The following CFAP221 variants were observed in gnomAD, a reference collection of about 807,000 sequenced individuals.
The protein encoded by CFAP221 is cilia and flagella associated protein 221, also known as cilia- and flagella-associated protein 221.
Under a neutral mutation model 113.1 loss-of-function variants are expected in CFAP221, and 97 were observed. The ratio of observed to expected loss-of-function variants is 0.86; its 90% CI spans 0.73 to 1.02. The LOEUF (loss-of-function observed/expected upper bound fraction) is 1.02, where lower values mean the gene tolerates loss of function less well. Ranked by LOEUF, CFAP221 falls within the 50% of genes least tolerant of loss-of-function variation. The pLI is 0.00. For synonymous variants in CFAP221, 331 were observed against 354.4 expected (o/e 0.93, Z 0.74); for missense variants, 1,025 against 1,013.4 (o/e 1.01, Z -0.16).
chr2:119,636,780 A>T (rs547618493), intron 19 of CFAP221, among the ~76,000 whole-genome samples: 1 of 152,334 alleles, frequency 6.6e-6, no homozygotes, highest in Admixed American at 6.5e-5. Context: ...GCGTTAGTTT[A>T]GGAAAATTAA....
At chr2:119,557,139 G>T (rs189176769) in intron 3 of CFAP221, 1 of 152,278 alleles carries the variant, frequency 6.6e-6, no homozygotes, top group East Asian at 1.9e-4. Context: ...TGCCCATAAT[G>T]TCGCTTGTTG....
At chr2:119,571,133 C>CTTTT (rs34017847) in intron 6 of CFAP221, among the ~76,000 whole-genome samples, 130 of 93,140 alleles carry the variant, frequency 1.4e-3, no homozygotes, top group Middle Eastern at 0.01. Context: ...TAACAACCCC[C>CTTTT]TTTTTTTTTT....
intron 8 of CFAP221, chr2:119,602,698 CAACA>C (rs1684450927): frequency 2.0e-6 from 2 of 985,368 alleles, no homozygotes; most frequent in Non-Finnish European, 2.4e-6. Flanking sequence ...ATCACTCGGG[CAACA>C]AACAAGTAGA....
chr2:119,630,907 T>A lies in CFAP221; in HGVS notation c.1974+6T>A. On this transcript the variant is annotated splice_donor_region_variant and intron_variant, in intron 19 of 23. Coordinates refer to ENST00000413369, the MANE Select transcript of CFAP221 (RefSeq NM_001271049.2). ...ATGATCCTCTGTATGTTTTTGTAAG[T>A]GACAACTGGCAGAAGCCTTGTTTTC... 1 of 1,611,132 alleles carries A rather than the reference T, an allele frequency of 6.2e-7. No homozygotes were observed. Among genetic ancestry groups the A allele is most frequent in the African/African-American group, 1.3e-5 (1 of 75,032 alleles).
chr2:119,655,583 G>T (rs558501692), intron 23 of CFAP221, among the ~76,000 whole-genome samples: 5 of 152,220 alleles, frequency 3.3e-5, no homozygotes, highest in Admixed American at 3.3e-4. Context: ...ATATAGCTGA[G>T]TTCACAGTCT....
chr2:119,549,096 A>G lies in CFAP221; in HGVS notation c.151A>G (p.Lys51Glu). Residue 51 changes from lysine (K) to glutamate (E), a missense_variant, in exon 3 of 24, where the codon AAA becomes GAA. Physicochemically the swap from Lys to Glu is moderately conservative, Grantham distance 56. Transcript: ENST00000413369. ...CATTGTTTTTATAGAGGTTTATGCA[A>G]AACTTGTGAATAATAAGGTCATACA... ...NHLLESKVYA[K>E]LVNNKVIQAR... 2 of 1,528,008 alleles carry G rather than the reference A, an allele frequency of 1.3e-6. No homozygotes were observed. The highest frequency in any genetic ancestry group is 1.7e-6 in the Non-Finnish European group (2 of 1,144,580). 94.7% of individuals were successfully genotyped at this position (1,528,008 alleles called of 1,614,324 possible).
chr2:119,640,888 G>T (rs1687444300), intron 21 of CFAP221, among the ~76,000 whole-genome samples: 1 of 152,296 alleles, frequency 6.6e-6, no homozygotes, highest in East Asian at 1.9e-4. Context: ...AACTCTCTGG[G>T]CCCAGTCCTC....
chr2:119,633,301 G>A (rs556700038), intron 19 of CFAP221, among the ~76,000 whole-genome samples: 5 of 150,312 alleles, frequency 3.3e-5, no homozygotes, highest in African/African-American at 1.2e-4. Flanking sequence ...TCTTCAATTA[G>A]ACAAAGATTT....
intron 16 of CFAP221, among the ~76,000 whole-genome samples, chr2:119,628,984 TCTG>T (rs1166237461): frequency 6.6e-6 from 1 of 152,246 alleles, no homozygotes; most frequent in African/African-American, 2.4e-5. Context: ...CAAAGACTTC[TCTG>T]CTGCTCAGGG....
intron 7 of CFAP221, among the ~76,000 whole-genome samples, chr2:119,594,010 A>G (rs1013190874): frequency 6.6e-5 from 10 of 152,304 alleles, no homozygotes; most frequent in African/African-American, 2.4e-4. Context: ...TGGGAACCAC[A>G]TTTCAACATG....
chr2:119,592,978 CAT>C (rs1356585877), intron 7 of CFAP221, among the ~76,000 whole-genome samples: 3 of 152,186 alleles, frequency 2.0e-5, no homozygotes, highest in Non-Finnish European at 4.4e-5. Context: ...TGGAAAATGG[CAT>C]GTCCTTTTGA....
intron 16 of CFAP221, among the ~76,000 whole-genome samples, chr2:119,628,750 G>A (rs1238720824): frequency 2.0e-5 from 3 of 151,470 alleles, no homozygotes; most frequent in Admixed American, 1.3e-4. Context: ...AATTCCACAT[G>A]TTTTCTGCTT....
At chr2:119,654,170 C>T (rs534509374) in intron 23 of CFAP221, among the ~76,000 whole-genome samples, 23 of 152,274 alleles carry the variant, frequency 1.5e-4, no homozygotes, top group African/African-American at 5.3e-4. Flanking sequence ...GCAGCCAACA[C>T]TGCTCAGAAA....
chr2:119,574,238 G>A (rs928976525), intron 6 of CFAP221, among the ~76,000 whole-genome samples: 1 of 151,914 alleles, frequency 6.6e-6, no homozygotes, highest in Non-Finnish European at 1.5e-5. Context: ...GCAGATGATT[G>A]TATGTACCAG....
chr2:119,583,112 G>T (rs1285275075), intron 6 of CFAP221, among the ~76,000 whole-genome samples: 5 of 151,964 alleles, frequency 3.3e-5, no homozygotes, highest in Non-Finnish European at 5.9e-5. Flanking sequence ...AGGAATGGAA[G>T]AGGTATGTAT....
chr2:119,657,774 T>C (rs1400467258), downstream of CFAP221, among the ~76,000 whole-genome samples: 29 of 152,228 alleles, frequency 1.9e-4, 1 homozygote, highest in Admixed American at 1.7e-3. Context: ...CTTGACACCT[T>C]TGACAGTTGT....
At chr2:119,605,123 C>G in intron 10 of CFAP221, 58 bp from the exon 11 acceptor site, 1 of 1,519,900 alleles carries the variant, frequency 6.6e-7, no homozygotes, top group Non-Finnish European at 9.1e-7. Context: ...GTGTTTTTCT[C>G]TCCGCACATG....
chr2:119,557,883 T>C (rs906334733), intron 3 of CFAP221, among the ~76,000 whole-genome samples: 3 of 144,274 alleles, frequency 2.1e-5, no homozygotes, highest in African/African-American at 7.8e-5. Flanking sequence ...CACTTGAACC[T>C]GGGAGGCAGA....
chr2:119,573,895 G>T (rs985670908), intron 6 of CFAP221, among the ~76,000 whole-genome samples: 1 of 152,146 alleles, frequency 6.6e-6, no homozygotes, highest in Non-Finnish European at 1.5e-5. Context: ...GATCTGTAAT[G>T]CAATAATAAA....
Sources: allele counts gnomAD v4.1 joint callset (sites outside exome capture counted in the v4.1 genomes callset), GRCh38; gene constraint gnomAD v4.1.1; transcripts MANE v1.5; gene names NCBI Gene and HGNC (gene_info 2026-07-23, HGNC 2026-07-21).